Variants in MTAP observed in about 807,000 individuals in gnomAD.
The protein encoded by MTAP is S-methyl-5'-thioadenosine phosphorylase.
In MTAP, 33 loss-of-function variants were observed where a neutral mutation model predicts 33.6. The observed-to-expected ratio is 0.98, with a 90% CI of 0.74 to 1.31. The LOEUF is 1.31. Ranked by LOEUF, MTAP falls within the 40% of genes most tolerant of loss-of-function variation. The pLI, the probability that MTAP is intolerant of heterozygous loss-of-function variation, is 0.00. For synonymous variants in MTAP, 148 were observed against 125.7 expected, an observed-to-expected ratio of 1.18 and a Z score of -1.19; for missense variants, 367 against 360.0, an observed-to-expected ratio of 1.02 and a Z score of -0.16.
At position 21,864,073 on chromosome 9, in the gene MTAP, A is replaced by T. The variant is rs925928078; in HGVS notation, c.*2059A>T. The stretch of plus-strand genomic sequence containing the variant: ...TACCTTACTTTTCCTCATTCTTAAT[A>T]GGTGTCTAAGAATGTCAGGGCAAAA... On this transcript the variant is annotated 3_prime_UTR_variant, in exon 8 of 8. Transcript: ENST00000644715. 25 of 985,426 alleles carry T rather than the reference A, an allele frequency of 2.5e-5. No individual in the cohort carries two copies. In the African/African-American group the frequency reaches 4.4e-4, roughly 17 times the overall value. 61.0% of individuals were successfully genotyped at this position (985,426 alleles called of 1,614,324 possible).
At chr9:21,876,584 T>C (rs151061140) in intron 1 of MTAP, among the ~76,000 whole-genome samples, 115 of 152,326 alleles carry the variant, frequency 7.5e-4, no homozygotes, top group Admixed American at 1.3e-3. Flanking sequence ...ATCCTATGCA[T>C]ATGACTAACC....
At chr9:21,882,597 T>G (rs1411009650) in intron 1 of MTAP, among the ~76,000 whole-genome samples, 1 of 151,946 alleles carries the variant, frequency 6.6e-6, no homozygotes, top group African/African-American at 2.4e-5. Flanking sequence ...AGCTTAAGGT[T>G]TGATATGGAA....
intron 1 of MTAP, among the ~76,000 whole-genome samples, chr9:21,928,293 C>A (rs917060959): frequency 3.9e-5 from 6 of 152,142 alleles, no homozygotes; most frequent in African/African-American, 1.4e-4. Flanking sequence ...AGGGACTAAC[C>A]AAAATTATTC....
rs1380450004 is a variant in MTAP, at chr9:21,859,077, T to C, written c.691-226T>C. 2.4e-5 allele frequency: 10 copies of C among 416,770 alleles called. No individual in the cohort carries two copies. In the East Asian group the frequency reaches 4.6e-4, roughly 19 times the overall value. 25.8% of individuals were successfully genotyped at this position (416,770 alleles called of 1,614,324 possible). A position where few individuals can be genotyped will look rare whatever the true frequency, so the allele number is the denominator to read the frequency against. On this transcript the variant is annotated intron_variant, in intron 6 of 7. Transcript: ENST00000644715. ...CCTCGAAGAATAGCACTGGGGCCTC[T>C]TTTGTAAGATCACTAATCCTATCCA...
chr9:21,892,314 G>A (rs777119564), intron 1 of MTAP: 3 of 152,048 alleles, frequency 2.0e-5, no homozygotes, highest in Admixed American at 6.6e-5. Context: ...CCACTTAAAA[G>A]GCACACAGTG....
chr9:21,892,860 G>A (rs1258486941), intron 1 of MTAP: 1 of 152,000 alleles, frequency 6.6e-6, no homozygotes, highest in Non-Finnish European at 1.5e-5. Flanking sequence ...AGACTAAAAT[G>A]AACCACATCT....
intron 1 of MTAP, among the ~76,000 whole-genome samples, chr9:21,907,020 G>A (rs1438237239): frequency 6.6e-6 from 1 of 152,148 alleles, no homozygotes; most frequent in African/African-American, 2.4e-5. Context: ...ACCAACTAAG[G>A]GTATATGATT....
chr9:21,877,978 G>T (rs547246675), intron 1 of MTAP, among the ~76,000 whole-genome samples: 2 of 152,058 alleles, frequency 1.3e-5, no homozygotes, highest in African/African-American at 2.4e-5. Flanking sequence ...CTGTGAATCT[G>T]TCTAGACATG....
At chr9:21,903,609 G>A (rs1818425538) in intron 1 of MTAP, among the ~76,000 whole-genome samples, 1 of 152,140 alleles carries the variant, frequency 6.6e-6, no homozygotes, top group South Asian at 2.1e-4. Context: ...ATTGGGAGAA[G>A]ACAATCCTTT....
In MTAP at chr9:21,859,265, T is replaced by A. The variant is rs776806101; in HGVS notation, c.691-38T>A. 67 of 1,572,822 alleles carry A rather than the reference T, an allele frequency of 4.3e-5. No homozygotes were observed. The East Asian group carries it at 1.5e-3, about 35-fold the overall frequency. ...ATGTTTTATGACAAGCAGTGGAATT[T>A]TAAGTTCTAGTAACCTCCAGTGCTA... On this transcript the variant is annotated intron_variant, in intron 6 of 7. Transcript: ENST00000644715.
rs141521307 is a variant in MTAP, at chr9:21,894,804, C to G, written c.148-36204C>G. 1.6e-3 allele frequency among the ~76,000 whole-genome samples: 248 copies of G among 151,304 alleles called. 3 individuals carry two copies. The highest frequency in any genetic ancestry group is 5.9e-3 in the African/African-American group (242 of 41,290). Reference sequence around the variant, plus strand: ...AGTGTCTGTCCAAAGCCTCCTGCATCTGATTAAAAAAAAAAACTTCAGCAA... The same window carrying G: ...AGTGTCTGTCCAAAGCCTCCTGCATGTGATTAAAAAAAAAAACTTCAGCAA... On this transcript the variant is annotated intron_variant, in intron 1 of 1. Coordinates refer to the MTAP transcript ENST00000577563.
intron 1 of MTAP, among the ~76,000 whole-genome samples, chr9:21,876,903 T>C (rs1399207340): frequency 6.6e-6 from 1 of 152,146 alleles, no homozygotes; most frequent in African/African-American, 2.4e-5. Context: ...AGAATTGTCA[T>C]TGGTAGTTTG....
chr9:21,812,090 C>T, intron 1 of MTAP: 2 of 236,654 alleles, frequency 8.5e-6, no homozygotes, highest in South Asian at 1.1e-4. Context: ...GCCAAGTGGG[C>T]TCACGCACCA....
intron 1 of MTAP, among the ~76,000 whole-genome samples, chr9:21,810,174 AAGATCAAGGTG>A (rs1824310167): frequency 1.3e-5 from 2 of 152,180 alleles, no homozygotes; most frequent in African/African-American, 4.8e-5. Flanking sequence ...TTAGAAGTCC[AAGATCAAGGTG>A]AGATCAAGGT....
downstream of MTAP, chr9:21,932,578 CA>C (rs1405104700): frequency 6.6e-6 from 1 of 151,384 alleles, no homozygotes; most frequent in African/African-American, 2.4e-5. Context: ...CATCCAGAAG[CA>C]ACTCAGCATG....
intron 4 of MTAP, among the ~76,000 whole-genome samples, chr9:21,834,441 C>T (rs1825051731): frequency 6.6e-6 from 1 of 152,162 alleles, no homozygotes; most frequent in African/African-American, 2.4e-5. Context: ...AGAAGCAGAC[C>T]TTATCTTTTA....
intron 7 of MTAP, chr9:21,861,317 A>G (rs1238706120): frequency 6.6e-6 from 1 of 152,114 alleles, no homozygotes; most frequent in Non-Finnish European, 1.5e-5. Context: ...GATTTTATAT[A>G]TATGTGTATA....
At chr9:21,928,455 A>G (rs1159916099) in intron 1 of MTAP, among the ~76,000 whole-genome samples, 1 of 152,144 alleles carries the variant, frequency 6.6e-6, no homozygotes, top group African/African-American at 2.4e-5. Flanking sequence ...CCACAGGTGT[A>G]AGTACCTCTT....
At chr9:21,916,761 C>T (rs924760631) in intron 1 of MTAP, among the ~76,000 whole-genome samples, 2 of 152,138 alleles carry the variant, frequency 1.3e-5, no homozygotes, top group South Asian at 2.1e-4. Context: ...GAACCTACAT[C>T]GCTCCTGGAT....
Sources: gnomAD v4.1 joint callset for allele counts (sites outside exome capture counted in the v4.1 genomes callset) on GRCh38, gnomAD v4.1.1 for gene constraint, MANE v1.5 for transcripts, NCBI Gene and HGNC (gene_info 2026-07-23, HGNC 2026-07-21) for gene names.